Variants in KCNQ5 observed in about 807,000 individuals in gnomAD.
KCNQ5 encodes potassium voltage-gated channel subfamily Q member 5, also known as potassium voltage-gated channel subfamily KQT member 5.
KCNQ5 carries 30 observed loss-of-function variants against 98.2 expected under a neutral mutation model. The observed-to-expected ratio is 0.31, with a 90% CI of 0.23 to 0.41. The LOEUF (loss-of-function observed/expected upper bound fraction) is 0.41. Ranked by LOEUF, KCNQ5 falls within the 10% of genes least tolerant of loss-of-function variation. The pLI is 1.00. For missense variants in KCNQ5, 835 were observed against 1,182.5 expected, an observed-to-expected ratio of 0.71 and a Z score of 4.31; for synonymous variants, 458 against 449.4, an observed-to-expected ratio of 1.02 and a Z score of -0.24.
At chr6:72,925,181 C>G (rs1254688538) in intron 1 of KCNQ5, among the ~76,000 whole-genome samples, 1 of 152,014 alleles carries the variant, frequency 6.6e-6, no homozygotes, top group Non-Finnish European at 1.5e-5. Context: ...TAAGTATACC[C>G]AACATTCTGG....
At chr6:73,015,934 A>G (rs1770317499) in intron 2 of KCNQ5, among the ~76,000 whole-genome samples, 1 of 152,066 alleles carries the variant, frequency 6.6e-6, no homozygotes, top group Non-Finnish European at 1.5e-5. Flanking sequence ...TTGACATTGT[A>G]TCTTCTCCAT....
intron 1 of KCNQ5, chr6:72,986,195 A>C (rs1438840905): frequency 5.9e-6 from 1 of 169,684 alleles, no homozygotes. Flanking sequence ...GCACCATTGC[A>C]CTCCAGCCTG....
chr6:72,942,690 C>G (rs954332394), intron 1 of KCNQ5, among the ~76,000 whole-genome samples: 1 of 152,108 alleles, frequency 6.6e-6, no homozygotes. Flanking sequence ...TTTTTCCTCC[C>G]GTGTTCACTG....
Position 72,873,402 on chromosome 6 carries a change from A to ACAACCTCAAATCCCAGTAAGTAAAG in KCNQ5, c.399-130503_399-130479dup, listed in dbSNP as rs1778290749. On this transcript the variant is annotated intron_variant, in intron 1 of 13. Coordinates refer to ENST00000370398, the MANE Select transcript of KCNQ5 (RefSeq NM_019842.4). ...TGAAGTATACTATCAATTTTGTAAA[A>ACAACCTCAAATCCCAGTAAGTAAAG]CAACCTCAAATCCCAGTAAGTAAAG... Among the ~76,000 whole-genome samples, 13 of 152,276 alleles carry ACAACCTCAAATCCCAGTAAGTAAAG rather than the reference A, an allele frequency of 8.5e-5. No individual in the cohort carries two copies. The South Asian group carries it at 2.7e-3, about 32-fold the overall frequency.
At chr6:72,769,912 G>A (rs540762404) in intron 1 of KCNQ5, among the ~76,000 whole-genome samples, 2 of 152,198 alleles carry the variant, frequency 1.3e-5, no homozygotes, top group East Asian at 3.9e-4. Context: ...GCCAGACTAA[G>A]AACTATTTTT....
intron 2 of KCNQ5, among the ~76,000 whole-genome samples, chr6:73,026,177 A>G (rs1226785377): frequency 6.6e-6 from 1 of 152,166 alleles, no homozygotes; most frequent in Non-Finnish European, 1.5e-5. Flanking sequence ...TCAGAGCACA[A>G]ATCCAAACTT....
At chr6:72,880,981 A>G (rs1006225125) in intron 1 of KCNQ5, among the ~76,000 whole-genome samples, 2 of 152,230 alleles carry the variant, frequency 1.3e-5, no homozygotes, top group Non-Finnish European at 2.9e-5. Context: ...TGGAGCAGAG[A>G]GGATTAAAGA....
chr6:73,097,900 A>G (rs1774584279), intron 5 of KCNQ5, among the ~76,000 whole-genome samples: 2 of 152,194 alleles, frequency 1.3e-5, no homozygotes. Flanking sequence ...AAGCCTTCCC[A>G]AGGAGGATGG....
At chr6:73,052,422 C>T (rs1772285880) in intron 3 of KCNQ5, among the ~76,000 whole-genome samples, 1 of 152,062 alleles carries the variant, frequency 6.6e-6, no homozygotes, top group African/African-American at 2.4e-5. Flanking sequence ...TAACCATCCC[C>T]AAGACACATA....
intron 1 of KCNQ5, among the ~76,000 whole-genome samples, chr6:72,755,759 A>G (rs990929115): frequency 6.6e-6 from 1 of 152,230 alleles, no homozygotes; most frequent in Admixed American, 6.5e-5. Flanking sequence ...ATTTTTAAAA[A>G]TATCCTTTAT....
At chr6:72,849,419 A>G (rs1307410144) in intron 1 of KCNQ5, among the ~76,000 whole-genome samples, 2 of 152,142 alleles carry the variant, frequency 1.3e-5, no homozygotes, top group African/African-American at 4.8e-5. Context: ...GTATGTAAGC[A>G]TTCCCTTTTC....
chr6:73,038,409 T>A (rs1049872501), intron 2 of KCNQ5, among the ~76,000 whole-genome samples: 2 of 152,058 alleles, frequency 1.3e-5, no homozygotes, highest in African/African-American at 2.4e-5. Context: ...TACAATACTA[T>A]GTTGAATAAG....
intron 1 of KCNQ5, among the ~76,000 whole-genome samples, chr6:72,865,822 T>C (rs761455433): frequency 6.6e-6 from 1 of 152,192 alleles, no homozygotes; most frequent in Non-Finnish European, 1.5e-5. Context: ...AAGTCTCTGA[T>C]TATAGAGTGC....
intron 10 of KCNQ5, among the ~76,000 whole-genome samples, chr6:73,160,179 G>GT (rs543691292): frequency 0.083 from 12,232 of 147,732 alleles, 677 homozygotes; most frequent in African/African-American, 0.16. Flanking sequence ...ACGCCCGGCT[G>GT]TTTTTTTTTT....
At chr6:72,951,848 G>A (rs911248830) in intron 1 of KCNQ5, among the ~76,000 whole-genome samples, 1 of 152,206 alleles carries the variant, frequency 6.6e-6, no homozygotes, top group African/African-American at 2.4e-5. Flanking sequence ...TCCCTGAAGA[G>A]TGTAATGTAC....
intron 1 of KCNQ5, among the ~76,000 whole-genome samples, chr6:72,766,997 A>C (rs1772607394): frequency 6.6e-6 from 1 of 151,938 alleles, no homozygotes; most frequent in Non-Finnish European, 1.5e-5. Flanking sequence ...AATGAATTTA[A>C]AATGTGCTTT....
chr6:72,942,959 A>G (rs1011107619), intron 1 of KCNQ5, among the ~76,000 whole-genome samples: 2 of 152,220 alleles, frequency 1.3e-5, no homozygotes, highest in Non-Finnish European at 2.9e-5. Flanking sequence ...TTAAACTTAC[A>G]AAGCTGAACT....
chr6:73,194,531 T>C lies in KCNQ5; in HGVS notation c.1916T>C (p.Leu639Pro). ...CTTCGGAAAGGCTCTGCCTCAGCCC[T>C]CGCTTTGGCTTCATTCCAGATCCCA... ...QVLRKGSASA[L>P]ALASFQIPPF... Residue 639 changes from leucine (L) to proline (P), a missense_variant, in exon 14 of 14, where the codon CTC becomes CCC. By Grantham distance (98) the Leu-to-Pro change is moderately conservative. Transcript: ENST00000370398. The C allele has an allele frequency of 1.2e-6, 2 of 1,614,212 alleles. No homozygotes were observed. The highest frequency in any genetic ancestry group is 1.7e-6 in the Non-Finnish European group (2 of 1,180,028).
At chr6:72,709,262 C>G (rs547596000) in intron 1 of KCNQ5, among the ~76,000 whole-genome samples, 11 of 152,098 alleles carry the variant, frequency 7.2e-5, no homozygotes, top group Non-Finnish European at 4.4e-5. Context: ...GCTTTTATTG[C>G]CTTGTTTTTA....
Sources: allele counts gnomAD v4.1 joint callset (sites outside exome capture counted in the v4.1 genomes callset), GRCh38; gene constraint gnomAD v4.1.1; transcripts MANE v1.5; gene names NCBI Gene and HGNC (gene_info 2026-07-23, HGNC 2026-07-21).